Variants in LMO3 observed in about 807,000 individuals in gnomAD.
LMO3 encodes LIM domain only protein 3.
In LMO3, 2 loss-of-function variants were observed where a neutral mutation model predicts 15.8. The ratio of observed to expected loss-of-function variants is 0.13; its 90% CI spans 0.05 to 0.40. The LOEUF is 0.40. LMO3 is among the 10% of genes least tolerant of loss of function. The pLI, the probability that LMO3 is intolerant of heterozygous loss-of-function variation, is 0.99. For missense variants in LMO3, 86 were observed against 182.2 expected, an observed-to-expected ratio of 0.47 and a Z score of 3.04; for synonymous variants, 62 against 63.8, an observed-to-expected ratio of 0.97 and a Z score of 0.13.
At chr12:16,564,827 C>T (rs1942535126) in intron 2 of LMO3, among the ~76,000 whole-genome samples, 1 of 152,124 alleles carries the variant, frequency 6.6e-6, no homozygotes. Context: ...ACTCTGTCAC[C>T]TAGGCTGGAA....
intron 2 of LMO3, among the ~76,000 whole-genome samples, chr12:16,564,910 C>T (rs1198346471): frequency 6.6e-6 from 1 of 152,082 alleles, no homozygotes; most frequent in African/African-American, 2.4e-5. Flanking sequence ...CTCAGCTCCC[C>T]AAGTAGCTGG....
At chr12:16,569,014 T>A (rs956260748) in intron 2 of LMO3, among the ~76,000 whole-genome samples, 1 of 152,214 alleles carries the variant, frequency 6.6e-6, no homozygotes, top group Non-Finnish European at 1.5e-5. Context: ...TCTCATAATC[T>A]GAAATAGATG....
Position 16,585,666 on chromosome 12 carries a change from T to C in LMO3, c.206+14989A>G, listed in dbSNP as rs1443344780. ...CATTCCAATTATTTAAGTGATTTCA[T>C]TTGAATGATGTCAAAACTAATCCTC... On this transcript the variant is annotated intron_variant, in intron 2 of 3. Transcript: ENST00000537304. This position sits in a 1 kb window ranked among gnomAD's most constrained non-coding sequence, Gnocchi z 4.7. Among the ~76,000 whole-genome samples the C allele has an allele frequency of 2.0e-5, 3 of 152,190 alleles. No homozygotes were observed. Among genetic ancestry groups the C allele is most frequent in the Non-Finnish European group, 4.4e-5 (3 of 68,032 alleles).
chr12:16,606,836 G>A (rs561938533), upstream of LMO3: 1 of 152,288 alleles, frequency 6.6e-6, no homozygotes, highest in African/African-American at 2.4e-5. Context: ...CAGTCCAAAA[G>A]AAGAACTCCT....
At chr12:16,573,185 G>A (rs1050147576) in intron 2 of LMO3, among the ~76,000 whole-genome samples, 75 of 151,714 alleles carry the variant, frequency 4.9e-4, no homozygotes, top group African/African-American at 1.7e-3. Context: ...TAAGTGCCCC[G>A]GACAAAAACC....
Position 16,600,831 on chromosome 12 carries a change from C to T in LMO3, c.30G>A (p.Pro10=), listed in dbSNP as rs560563648. 1.9e-5 allele frequency: 31 copies of T among 1,614,054 alleles called. No homozygotes were observed. In the South Asian group the frequency reaches 2.2e-4, roughly 11 times the overall value. MLSVQPDTK[P]KGCAGCNRKI... ...TTCGGTTGCAGCCAGCACAACCTTT[C>T]GGCTTGGTGTCTGGCTGGACTGAGA... is the stretch of plus-strand genomic sequence containing the variant. Residue 10 remains proline, a synonymous_variant, in exon 2 of 4, where the codon CCG becomes CCA. Transcript: ENST00000537304.
Position 16,593,449 on chromosome 12 carries a change from T to C in LMO3, c.206+7206A>G, listed in dbSNP as rs1943553609. On this transcript the variant is annotated intron_variant, in intron 2 of 3. Coordinates refer to ENST00000537304, the MANE Select transcript of LMO3 (RefSeq NM_018640.5). The surrounding 1 kb of genome is among the most constrained non-coding windows in gnomAD (Gnocchi z 4.2). The stretch of plus-strand genomic sequence containing the variant: ...TCTCAAGTGTGATTTCATTTTAAAC[T>C]TGTAAAGCCCACAACTAGAGATTTT... 6.6e-6 allele frequency among the ~76,000 whole-genome samples: 1 copy of C among 151,834 alleles called. No homozygotes were observed. Among genetic ancestry groups the C allele is most frequent in the African/African-American group, 2.4e-5 (1 of 41,406 alleles).
chr12:16,580,235 A>G (rs1457119639), intron 2 of LMO3, among the ~76,000 whole-genome samples: 2 of 152,144 alleles, frequency 1.3e-5, no homozygotes, highest in Admixed American at 6.5e-5. Context: ...CTAGTAGCTT[A>G]GACTACAGGT....
rs912183874 is a variant in LMO3, at chr12:16,549,241, A to G, written c.*1981T>C. 2.0e-5 allele frequency: 3 copies of G among 152,106 alleles called. No homozygotes were observed. Among genetic ancestry groups the G allele is most frequent in the Admixed American group, 2.0e-4 (3 of 15,254 alleles). The allele number at this position is 152,106 out of a possible 1,614,324, so 9.4% of individuals were successfully genotyped here. Reference sequence around the variant, plus strand: ...TATGCAAGTCCTTTCTCTTCATGAAACAAGTGTAAGGCTCTAAGGCTAAAA... The same window carrying G: ...TATGCAAGTCCTTTCTCTTCATGAAGCAAGTGTAAGGCTCTAAGGCTAAAA... On this transcript the variant is annotated 3_prime_UTR_variant, in exon 4 of 4. Transcript: ENST00000537304.
chr12:16,595,695 A>G (rs758841117), intron 2 of LMO3, among the ~76,000 whole-genome samples: 1 of 151,460 alleles, frequency 6.6e-6, no homozygotes, highest in East Asian at 1.9e-4. Context: ...ATGGAGTTCA[A>G]TATGCTCATG....
At position 16,582,744 on chromosome 12, in the gene LMO3, G is replaced by T. The variant is rs770729533; in HGVS notation, c.206+17911C>A. Reference sequence around the variant, plus strand: ...TTTAAGTATCTGATTGGGATGAGACGCCCAGAAAAGAATCAGAACTAGGCC... The same window carrying T: ...TTTAAGTATCTGATTGGGATGAGACTCCCAGAAAAGAATCAGAACTAGGCC... On this transcript the variant is annotated intron_variant, in intron 2 of 3. Transcript: ENST00000537304. The surrounding 1 kb of genome is among the most constrained non-coding windows in gnomAD (Gnocchi z 4.1). Among the ~76,000 whole-genome samples the T allele has an allele frequency of 6.6e-6, 1 of 152,062 alleles. No homozygotes were observed. The highest frequency in any genetic ancestry group is 6.6e-5 in the Admixed American group (1 of 15,256).
At chr12:16,575,598 T>C (rs1026606842) in intron 2 of LMO3, among the ~76,000 whole-genome samples, 5 of 152,070 alleles carry the variant, frequency 3.3e-5, no homozygotes, top group Admixed American at 1.3e-4. Context: ...ATTCATCCAT[T>C]TTATGGATGA....
chr12:16,556,012 C>CCTGT (rs1942175709), intron 3 of LMO3, among the ~76,000 whole-genome samples: 1 of 152,102 alleles, frequency 6.6e-6, no homozygotes, highest in African/African-American at 2.4e-5. Context: ...TCTTTGATGT[C>CCTGT]CTGTCTCTCC....
intron 2 of LMO3, among the ~76,000 whole-genome samples, chr12:16,574,835 A>G (rs186476743): frequency 8.8e-4 from 134 of 152,290 alleles, no homozygotes; most frequent in Non-Finnish European, 9.4e-4. Context: ...GGGAAACAGA[A>G]GTATAGAGAG....
In LMO3 at chr12:16,604,812, G is replaced by A; in HGVS notation, c.-9+1254C>T. 6.3e-7 allele frequency: 1 copy of A among 1,579,436 alleles called. No homozygotes were observed. The highest frequency in any genetic ancestry group is 2.2e-5 in the East Asian group (1 of 44,774). On this transcript the variant is annotated intron_variant, in intron 1 of 3. Coordinates refer to ENST00000537304, the MANE Select transcript of LMO3 (RefSeq NM_018640.5). This position sits in a 1 kb window ranked among gnomAD's most constrained non-coding sequence, Gnocchi z 5.3. ...GGAAAAGCAGAAAGGCTTTTGAGCG[G>A]CCAGGAGTGCAGAGCGCCAGCAAAG...
At chr12:16,601,039 C>A (rs927666097) in intron 1 of LMO3, among the ~76,000 whole-genome samples, 171 bp from the exon 2 acceptor site, 4 of 152,148 alleles carry the variant, frequency 2.6e-5, no homozygotes, top group African/African-American at 7.2e-5. Flanking sequence ...CAAACTTTAT[C>A]AAGTGCTTAT....
chr12:16,559,375 T>G lies in LMO3; in HGVS notation c.332+1038A>C, dbSNP rs1172198662. Among the ~76,000 whole-genome samples, 2 of 152,196 alleles carry G rather than the reference T, an allele frequency of 1.3e-5. No individual in the cohort carries two copies. Among genetic ancestry groups the G allele is most frequent in the Non-Finnish European group, 1.5e-5 (1 of 68,032 alleles). On this transcript the variant is annotated intron_variant, in intron 3 of 3. Transcript: ENST00000537304. This position sits in a 1 kb window ranked among gnomAD's most constrained non-coding sequence, Gnocchi z 4.1. Reference sequence around the variant, plus strand: ...GAATTAAGTGATAATACTTTTCAGCTGAAAGAATTCTCTGAGATGAACTAA... The same window carrying G: ...GAATTAAGTGATAATACTTTTCAGCGGAAAGAATTCTCTGAGATGAACTAA...
intron 3 of LMO3, among the ~76,000 whole-genome samples, chr12:16,552,849 A>G (rs1942042151): frequency 6.6e-6 from 1 of 152,044 alleles, no homozygotes; most frequent in Admixed American, 6.6e-5. Context: ...GCACTTCAAT[A>G]ATGGTGTTTG....
At chr12:16,571,438 C>T (rs903752861) in intron 2 of LMO3, among the ~76,000 whole-genome samples, 3 of 151,970 alleles carry the variant, frequency 2.0e-5, no homozygotes, top group African/African-American at 7.2e-5. Flanking sequence ...TTTTCAAATT[C>T]TTTAAGAAGG....
Sources: gnomAD v4.1 joint callset for allele counts (sites outside exome capture counted in the v4.1 genomes callset) on GRCh38, gnomAD v4.1.1 for gene constraint, Gnocchi (gnomAD v3.1) non-coding constraint, MANE v1.5 for transcripts, NCBI Gene and HGNC (gene_info 2026-07-23, HGNC 2026-07-21) for gene names.